The following BTAF1 variants were observed in gnomAD, a reference collection of about 807,000 sequenced individuals.
BTAF1 encodes the protein B-TFIID TATA-box binding protein associated factor 1, also known as TATA-binding protein-associated factor 172.
Under a neutral mutation model 227.1 loss-of-function variants are expected in BTAF1, and 38 were observed. The observed-to-expected ratio is 0.17, with a 90% CI of 0.13 to 0.22. The LOEUF (loss-of-function observed/expected upper bound fraction) is 0.22, where lower values mean the gene tolerates loss of function less well. Ranked by LOEUF, BTAF1 falls within the 10% of genes least tolerant of loss-of-function variation. The pLI, the probability that BTAF1 is intolerant of heterozygous loss-of-function variation, is 1.00. For synonymous variants in BTAF1, 742 were observed against 751.9 expected (o/e 0.99, Z 0.21); for missense variants, 1,598 against 2,204.0 (o/e 0.73, Z 5.51).
chr10:92,024,723 G>A (rs374468768), intron 34 of BTAF1, 33 bp from the exon 35 acceptor site: 26 of 563,062 alleles, frequency 4.6e-5, no homozygotes, highest in Non-Finnish European at 6.2e-5. Flanking sequence ...TTTATTGAAC[G>A]CTTATGTAGT....
intron 33 of BTAF1, 121 bp from the exon 34 acceptor site, chr10:92,018,662 G>T: frequency 2.3e-6 from 2 of 872,246 alleles, no homozygotes; most frequent in Non-Finnish European, 3.3e-6. Flanking sequence ...AGTTTGCCGA[G>T]CAAGAAGAGG....
intron 1 of BTAF1, among the ~76,000 whole-genome samples, chr10:91,925,771 A>G (rs778664342): frequency 6.6e-6 from 1 of 152,180 alleles, no homozygotes; most frequent in Non-Finnish European, 1.5e-5. Context: ...TGGCCTCCCA[A>G]AGTGCTGGGA....
At chr10:91,970,929 A>G (rs1431882525) in intron 14 of BTAF1, among the ~76,000 whole-genome samples, 2 of 152,248 alleles carry the variant, frequency 1.3e-5, no homozygotes, top group East Asian at 3.8e-4. Context: ...TATCTTTGAT[A>G]TGTACTTTCA....
Position 91,980,602 on chromosome 10 carries a change from G to A in BTAF1, c.1755+44G>A, listed in dbSNP as rs780120268. On this transcript the variant is annotated intron_variant, in intron 15 of 37. Coordinates refer to ENST00000265990, the MANE Select transcript of BTAF1 (RefSeq NM_003972.3). ...TGTGTTCCTTTTCCTAGTAACTTTTGTAGATTTTTAAAATTTTTCATAATT... is the reference window on the plus strand; with the variant it reads ...TGTGTTCCTTTTCCTAGTAACTTTTATAGATTTTTAAAATTTTTCATAATT... 4.0e-6 allele frequency: 6 copies of A among 1,508,322 alleles called. No individual in the cohort carries two copies. The African/African-American group carries it at 4.1e-5, about 10-fold the overall frequency. 93.4% of individuals were successfully genotyped at this position (1,508,322 alleles called of 1,614,324 possible).
chr10:92,019,601 T>A (rs1175192045), intron 34 of BTAF1, among the ~76,000 whole-genome samples: 1 of 152,184 alleles, frequency 6.6e-6, no homozygotes, highest in Non-Finnish European at 1.5e-5. Flanking sequence ...TCACGATGAC[T>A]ACACCATTTT....
At chr10:91,941,262 T>TA (rs932657695) in intron 3 of BTAF1, among the ~76,000 whole-genome samples, 108 of 152,330 alleles carry the variant, frequency 7.1e-4, no homozygotes, top group African/African-American at 2.4e-3. Flanking sequence ...TTAATTTTTT[T>TA]AAAAAACTCG....
At chr10:91,991,267 TA>T (rs1848718671) in intron 20 of BTAF1, among the ~76,000 whole-genome samples, 1 of 81,558 alleles carries the variant, frequency 1.2e-5, no homozygotes, top group South Asian at 4.6e-4. Context: ...TAAATATAAA[TA>T]TAAATATATA....
intron 1 of BTAF1, among the ~76,000 whole-genome samples, chr10:91,930,882 A>T (rs1017872504): frequency 7.2e-5 from 11 of 152,220 alleles, no homozygotes; most frequent in African/African-American, 2.7e-4. Context: ...TTAAGGCCAC[A>T]AAGCTGTCTT....
intron 25 of BTAF1, among the ~76,000 whole-genome samples, chr10:92,002,676 A>T (rs1849627601): frequency 6.6e-6 from 1 of 152,144 alleles, no homozygotes; most frequent in South Asian, 2.1e-4. Flanking sequence ...TACCTTTGAA[A>T]ATAGACTCAA....
chr10:91,982,465 A>G lies in BTAF1; in HGVS notation c.2049-122A>G, dbSNP rs1848134195. ...CATTATACCTTCTGTGGGAAAAGTT[A>G]TGGCTTCAAAAAGCCAAATTTTGCT... On this transcript the variant is annotated intron_variant, in intron 17 of 37. Transcript: ENST00000265990. 8 of 1,211,980 alleles carry G rather than the reference A, an allele frequency of 6.6e-6. No homozygotes were observed. The South Asian group carries it at 1.1e-4, about 17-fold the overall frequency. 75.1% of individuals were successfully genotyped at this position (1,211,980 alleles called of 1,614,324 possible).
intron 4 of BTAF1, among the ~76,000 whole-genome samples, chr10:91,947,526 A>G (rs1845453863): frequency 6.6e-6 from 1 of 152,146 alleles, no homozygotes; most frequent in Non-Finnish European, 1.5e-5. Context: ...CATCAGACAC[A>G]TAGGTTTATT....
intron 14 of BTAF1, among the ~76,000 whole-genome samples, chr10:91,977,904 TAC>T (rs1291573487): frequency 6.6e-6 from 1 of 152,200 alleles, no homozygotes; most frequent in African/African-American, 2.4e-5. Flanking sequence ...AAGGGAAAAG[TAC>T]AGTTTCCATA....
chr10:91,947,510 A>G (rs1166896501), intron 4 of BTAF1, among the ~76,000 whole-genome samples: 2 of 152,276 alleles, frequency 1.3e-5, no homozygotes, highest in East Asian at 1.9e-4. Flanking sequence ...TCAAAAATCA[A>G]TTGACCATCA....
intron 30 of BTAF1, 137 bp from the exon 31 acceptor site, chr10:92,013,530 A>G (rs1013710758): frequency 2.7e-6 from 3 of 1,129,936 alleles, no homozygotes; most frequent in South Asian, 3.0e-5. Context: ...TAAAATAAAG[A>G]CTTACACCAT....
In BTAF1 at chr10:91,982,567, T is replaced by G. The variant is rs759862280; in HGVS notation, c.2049-20T>G. ...ACTTCAAGTAATTTCTTATAGTAAC[T>G]TCCTTTTTCTCCCTCTTAGGTTGTT... On this transcript the variant is annotated intron_variant, in intron 17 of 37. Coordinates refer to ENST00000265990, the MANE Select transcript of BTAF1 (RefSeq NM_003972.3). 1.8e-5 allele frequency: 28 copies of G among 1,577,946 alleles called. No homozygotes were observed. Among genetic ancestry groups the G allele is most frequent in the Admixed American group, 3.8e-5 (2 of 52,442 alleles).
Position 91,996,521 on chromosome 10 carries a change from A to G in BTAF1, c.3462A>G (p.Gly1154=). The G allele has an allele frequency of 6.2e-7, 1 of 1,614,182 alleles. No homozygotes were observed. The highest frequency in any genetic ancestry group is 1.1e-5 in the South Asian group (1 of 91,080). The stretch of plus-strand genomic sequence containing the variant: ...TGGAGAAGGTTCTTCCGTGGCTGGG[A>G]GCAATTGATGACAGTGTCAAACAAG... ...IFLEKVLPWL[G]AIDDSVKQEG... Residue 1154 remains glycine, a synonymous_variant, in exon 24 of 38, where the codon GGA becomes GGG. Coordinates refer to ENST00000265990, the MANE Select transcript of BTAF1 (RefSeq NM_003972.3).
At chr10:92,016,841 A>G (rs1475788103) in intron 33 of BTAF1, among the ~76,000 whole-genome samples, 2 of 152,204 alleles carry the variant, frequency 1.3e-5, no homozygotes, top group Non-Finnish European at 2.9e-5. Context: ...ATAATAAAAT[A>G]CGGATCTATG....
rs1479946446 is a variant in BTAF1 at position 91,998,591 on chromosome 10, C to T, written c.3660+840C>T. Among the ~76,000 whole-genome samples the T allele has an allele frequency of 2.6e-5, 4 of 152,024 alleles. No homozygotes were observed. In the East Asian group the frequency reaches 7.7e-4, roughly 29 times the overall value. ...GAAGTGGCTTGAAACACAGAAAGAGCCAGGAATAATTCAGGAAATAGTAGG... is the reference window on the plus strand; with the variant it reads ...GAAGTGGCTTGAAACACAGAAAGAGTCAGGAATAATTCAGGAAATAGTAGG... On this transcript the variant is annotated intron_variant, in intron 25 of 37. Transcript: ENST00000265990.
At chr10:92,024,732 G>GTTT in intron 34 of BTAF1, 24 bp from the exon 35 acceptor site, 100 of 1,266,662 alleles carry the variant, frequency 7.9e-5, no homozygotes, top group Middle Eastern at 2.7e-4. Flanking sequence ...CGCTTATGTA[G>GTTT]TTTTTTTTTT....
Sources: gnomAD v4.1 joint callset for allele counts (sites outside exome capture counted in the v4.1 genomes callset) on GRCh38, gnomAD v4.1.1 for gene constraint, MANE v1.5 for transcripts, NCBI Gene and HGNC (gene_info 2026-07-23, HGNC 2026-07-21) for gene names.